DLG2: variants seen among roughly 807,000 people sequenced by gnomAD.
The protein encoded by DLG2 is discs large MAGUK scaffold protein 2, also known as disks large homolog 2.
In DLG2, 45 loss-of-function variants were observed where a neutral mutation model predicts 132.5. The ratio of observed to expected loss-of-function variants is 0.34; its 90% CI spans 0.27 to 0.44. DLG2 has a LOEUF of 0.44. DLG2 is among the 20% of genes least tolerant of loss of function. The pLI, the probability that DLG2 is intolerant of heterozygous loss-of-function variation, is 1.00. For synonymous variants in DLG2, 424 were observed against 419.6 expected (o/e 1.01, Z -0.13); for missense variants, 1,045 against 1,196.9 (o/e 0.87, Z 1.87).
intron 6 of DLG2, among the ~76,000 whole-genome samples, chr11:84,591,669 T>TA (rs2099543682): frequency 2.0e-5 from 3 of 151,488 alleles, no homozygotes; most frequent in South Asian, 4.2e-4. Flanking sequence ...TCAAAAAAAT[T>TA]AAAAAAATAA....
intron 3 of DLG2, among the ~76,000 whole-genome samples, chr11:85,416,538 G>A (rs186006658): frequency 6.6e-6 from 1 of 152,226 alleles, no homozygotes; most frequent in Admixed American, 6.5e-5. Context: ...TAGGCAGTAT[G>A]GCCATTTTCA....
chr11:85,000,140 C>G (rs1042094794), intron 6 of DLG2, among the ~76,000 whole-genome samples: 1 of 152,082 alleles, frequency 6.6e-6, no homozygotes, highest in African/African-American at 2.4e-5. Context: ...AAGGACTATA[C>G]TGTTAGAAAC....
chr11:85,611,204 G>C (rs551140725), intron 2 of DLG2, among the ~76,000 whole-genome samples: 2 of 152,224 alleles, frequency 1.3e-5, no homozygotes, highest in Non-Finnish European at 2.9e-5. Flanking sequence ...TTTAAGGGTA[G>C]TTGTGGCAGT....
chr11:85,322,823 A>G (rs1043850177), intron 3 of DLG2, among the ~76,000 whole-genome samples: 1 of 152,038 alleles, frequency 6.6e-6, no homozygotes, highest in African/African-American at 2.4e-5. Flanking sequence ...ATATCTCTTG[A>G]TTTGTCAATT....
At chr11:83,894,303 G>A (rs566002324) in intron 15 of DLG2, among the ~76,000 whole-genome samples, 1 of 152,084 alleles carries the variant, frequency 6.6e-6, no homozygotes, top group Non-Finnish European at 1.5e-5. Flanking sequence ...ACATAAGTAA[G>A]TGATAGTGAT....
intron 6 of DLG2, among the ~76,000 whole-genome samples, chr11:84,862,341 G>A (rs977592620): frequency 3.3e-5 from 5 of 152,146 alleles, no homozygotes; most frequent in African/African-American, 9.7e-5. Flanking sequence ...AGAGGATGTG[G>A]AGAAATAGGA....
intron 6 of DLG2, among the ~76,000 whole-genome samples, chr11:84,830,536 T>G (rs181937824): frequency 8.3e-4 from 126 of 151,636 alleles, no homozygotes; most frequent in African/African-American, 2.9e-3. Flanking sequence ...CTTGTGAAAT[T>G]AGGCAAAACA....
chr11:85,047,544 T>C (rs1318108411), intron 6 of DLG2, among the ~76,000 whole-genome samples: 1 of 151,842 alleles, frequency 6.6e-6, no homozygotes. Flanking sequence ...GGCCATTTCT[T>C]AGCTGTGTTA....
chr11:84,925,433 G>A (rs1210010787), intron 6 of DLG2, among the ~76,000 whole-genome samples: 1 of 152,088 alleles, frequency 6.6e-6, no homozygotes, highest in Non-Finnish European at 1.5e-5. Flanking sequence ...GAGTATACCT[G>A]TCTAGCCTAC....
intron 3 of DLG2, among the ~76,000 whole-genome samples, chr11:85,543,721 A>C (rs183759876): frequency 6.6e-6 from 1 of 152,110 alleles, no homozygotes; most frequent in Non-Finnish European, 1.5e-5. Context: ...TTTGATTTAC[A>C]TTTCTCTAAT....
At chr11:85,319,924 T>A (rs547352907) in intron 3 of DLG2, among the ~76,000 whole-genome samples, 1 of 152,050 alleles carries the variant, frequency 6.6e-6, no homozygotes, top group African/African-American at 2.4e-5. Context: ...ACAGCTTGGC[T>A]ATTTTAGTTT....
At chr11:84,175,334 C>T (rs996429977) in intron 8 of DLG2, among the ~76,000 whole-genome samples, 8 of 151,968 alleles carry the variant, frequency 5.3e-5, no homozygotes, top group African/African-American at 1.9e-4. Context: ...TTTTATGGCA[C>T]CTATTATAAC....
chr11:84,883,308 A>G (rs953160920), intron 6 of DLG2, among the ~76,000 whole-genome samples: 6 of 147,518 alleles, frequency 4.1e-5, no homozygotes, highest in Non-Finnish European at 1.5e-5. Flanking sequence ...GGGGCCTGTT[A>G]GGGGGTGGGG....
intron 6 of DLG2, among the ~76,000 whole-genome samples, chr11:84,943,453 T>A (rs2049763665): frequency 6.6e-6 from 1 of 152,084 alleles, no homozygotes; most frequent in African/African-American, 2.4e-5. Context: ...TGACTTTCTC[T>A]GGTGGTATGT....
At chr11:85,472,153 G>A (rs1223004714) in intron 3 of DLG2, among the ~76,000 whole-genome samples, 1 of 152,152 alleles carries the variant, frequency 6.6e-6, no homozygotes, top group Non-Finnish European at 1.5e-5. Context: ...CCAATCAAGT[G>A]ATGCTTTTTC....
At chr11:85,219,393 G>C (rs1418564898) in intron 4 of DLG2, among the ~76,000 whole-genome samples, 3 of 151,902 alleles carry the variant, frequency 2.0e-5, no homozygotes, top group Admixed American at 6.6e-5. Flanking sequence ...TTTAGTCTCT[G>C]TCACTAGGGT....
rs542139136 is a variant in DLG2 at position 85,281,571 on chromosome 11, T to C, written c.186+3649A>G. The stretch of plus-strand genomic sequence containing the variant: ...GGAAGCTCAGATCAACTCATTCATA[T>C]GCTCAAAACTTTCCAACGGTTTCTA... On this transcript the variant is annotated intron_variant, in intron 4 of 27. Transcript: ENST00000376104. Among the ~76,000 whole-genome samples, 3 of 152,174 alleles carry C rather than the reference T, an allele frequency of 2.0e-5. No individual in the cohort carries two copies. The South Asian group carries it at 6.2e-4, about 31-fold the overall frequency.
chr11:85,482,711 C>A (rs1455992010), intron 3 of DLG2, among the ~76,000 whole-genome samples: 1 of 152,048 alleles, frequency 6.6e-6, no homozygotes, highest in East Asian at 1.9e-4. Flanking sequence ...AACCAGTGCC[C>A]ACAGACCCAG....
intron 4 of DLG2, among the ~76,000 whole-genome samples, chr11:85,239,463 G>A (rs1467037995): frequency 3.9e-5 from 6 of 151,940 alleles, no homozygotes; most frequent in Non-Finnish European, 8.8e-5. Flanking sequence ...TGACATACCT[G>A]ACTTCCTCCT....
Sources: allele counts gnomAD v4.1 joint callset (sites outside exome capture counted in the v4.1 genomes callset), GRCh38; gene constraint gnomAD v4.1.1; transcripts MANE v1.5; gene names NCBI Gene and HGNC (gene_info 2026-07-23, HGNC 2026-07-21).